Variants in APP observed in about 807,000 individuals in gnomAD.
APP encodes the protein amyloid beta precursor protein.
APP carries 31 observed loss-of-function variants against 101.4 expected under a neutral mutation model. The ratio of observed to expected loss-of-function variants is 0.31; its 90% CI spans 0.23 to 0.41. The LOEUF (loss-of-function observed/expected upper bound fraction) is 0.41, where lower values mean the gene tolerates loss of function less well. Ranked by LOEUF, APP falls within the 10% of genes least tolerant of loss-of-function variation. The pLI is 1.00. For missense variants in APP, 839 were observed against 1,003.7 expected, an observed-to-expected ratio of 0.84 and a Z score of 2.22; for synonymous variants, 366 against 364.4, an observed-to-expected ratio of 1.00 and a Z score of -0.05.
intron 1 of APP, among the ~76,000 whole-genome samples, chr21:26,164,738 C>T (rs2063569951): frequency 6.6e-6 from 1 of 151,884 alleles, no homozygotes; most frequent in Non-Finnish European, 1.5e-5. Flanking sequence ...TGCCCATAGT[C>T]CCAGCTACTC....
intron 11 of APP, among the ~76,000 whole-genome samples, chr21:25,971,983 G>A (rs1276555285): frequency 6.6e-6 from 1 of 152,152 alleles, no homozygotes; most frequent in Non-Finnish European, 1.5e-5. Flanking sequence ...TTCAGCGTCC[G>A]ACATTTAATA....
At chr21:25,884,086 C>T (rs144731854) in intron 17 of APP, among the ~76,000 whole-genome samples, 4 of 152,342 alleles carry the variant, frequency 2.6e-5, no homozygotes, top group African/African-American at 9.6e-5. Flanking sequence ...ACCATGTTGG[C>T]CATGCTGGTC....
intron 13 of APP, among the ~76,000 whole-genome samples, chr21:25,926,162 C>T (rs996392926): frequency 1.3e-5 from 2 of 152,134 alleles, no homozygotes; most frequent in African/African-American, 4.8e-5. Flanking sequence ...CTTCCCTGGA[C>T]CATTTGTTAC....
At chr21:25,912,197 A>G (rs1247266764) in intron 13 of APP, among the ~76,000 whole-genome samples, 2 of 152,208 alleles carry the variant, frequency 1.3e-5, no homozygotes, top group Non-Finnish European at 2.9e-5. Context: ...TGCTGGCAGG[A>G]CTGCAGGCAG....
chr21:26,063,585 T>C (rs985722054), intron 3 of APP, among the ~76,000 whole-genome samples: 2 of 151,908 alleles, frequency 1.3e-5, no homozygotes, highest in Non-Finnish European at 1.5e-5. Flanking sequence ...GGGCTTCTAA[T>C]AGCTAAAGCC....
intron 6 of APP, among the ~76,000 whole-genome samples, chr21:26,014,635 A>G (rs2043972740): frequency 6.6e-6 from 1 of 152,122 alleles, no homozygotes; most frequent in Non-Finnish European, 1.5e-5. Flanking sequence ...AAGCAACCTG[A>G]GCAAGCCACT....
At chr21:26,078,818 C>A (rs1005044549) in intron 3 of APP, among the ~76,000 whole-genome samples, 1 of 152,066 alleles carries the variant, frequency 6.6e-6, no homozygotes, top group Non-Finnish European at 1.5e-5. Context: ...GGCCGAGGCG[C>A]GGATCACCTG....
At position 26,032,805 on chromosome 21, in the gene APP, A is replaced by AAAATATAT. The variant is rs1491556765; in HGVS notation, c.663-10764_663-10763insATATATTT. Among the ~76,000 whole-genome samples, 133 of 124,472 alleles carry AAAATATAT rather than the reference A, an allele frequency of 1.1e-3. 2 individuals are homozygous for AAAATATAT. The East Asian group carries it at 0.025, about 24-fold the overall frequency. 81.7% of individuals were successfully genotyped at this position (124,472 alleles called of 152,430 possible). ...GGCTTATTATTTTAGAAAAAAAAAA[A>AAAATATAT]ATATATATATATATATAAAGAGCTA... On this transcript the variant is annotated intron_variant, in intron 5 of 17. Transcript: ENST00000346798.
chr21:25,956,923 G>A (rs393364), intron 11 of APP, among the ~76,000 whole-genome samples: 13,758 of 152,118 alleles, frequency 0.09, 1,163 homozygotes, highest in African/African-American at 0.21. Context: ...AATTATCTAT[G>A]ATTCTTACTC....
chr21:26,087,777 A>G (rs1401884663), intron 3 of APP, among the ~76,000 whole-genome samples: 1 of 152,218 alleles, frequency 6.6e-6, no homozygotes, highest in African/African-American at 2.4e-5. Flanking sequence ...ACTATCAAAC[A>G]GGTATTTGGT....
At chr21:25,900,173 C>T (rs1194915320) in intron 15 of APP, among the ~76,000 whole-genome samples, 1 of 151,966 alleles carries the variant, frequency 6.6e-6, no homozygotes, top group African/African-American at 2.4e-5. Flanking sequence ...TTCTATAGCC[C>T]TTTTAAATCT....
chr21:26,147,158 T>C (rs442540), intron 1 of APP, among the ~76,000 whole-genome samples: 5,076 of 152,308 alleles, frequency 0.033, 220 homozygotes, highest in East Asian at 0.2. Flanking sequence ...ATGACTTTTA[T>C]AATAATTGTA....
At chr21:26,042,152 A>T (rs771412363) in intron 5 of APP, among the ~76,000 whole-genome samples, 2 of 152,214 alleles carry the variant, frequency 1.3e-5, no homozygotes, top group Non-Finnish European at 2.9e-5. Flanking sequence ...AGCATTTAAT[A>T]TCATTTCTCA....
chr21:26,062,100 C>T (rs893361483), intron 3 of APP, among the ~76,000 whole-genome samples: 11 of 152,036 alleles, frequency 7.2e-5, no homozygotes, highest in Non-Finnish European at 1.3e-4. Context: ...GTCCCAGCTA[C>T]TCGGGAGGCT....
chr21:26,081,406 G>T (rs1252368167), intron 3 of APP, among the ~76,000 whole-genome samples: 1 of 150,148 alleles, frequency 6.7e-6, no homozygotes, highest in Non-Finnish European at 1.5e-5. Flanking sequence ...GGGGGCAGGG[G>T]TGGGGGTCAC....
chr21:26,085,056 C>T (rs1383350134), intron 3 of APP, among the ~76,000 whole-genome samples: 1 of 152,114 alleles, frequency 6.6e-6, no homozygotes, highest in East Asian at 1.9e-4. Flanking sequence ...TAGAAAATTG[C>T]TTAAATAAAA....
chr21:25,989,905 TAA>T (rs200986506), intron 8 of APP, among the ~76,000 whole-genome samples: 1 of 140,288 alleles, frequency 7.1e-6, no homozygotes, highest in Non-Finnish European at 1.5e-5. Flanking sequence ...TATTATAACT[TAA>T]AAAAAAAGTG....
intron 17 of APP, among the ~76,000 whole-genome samples, chr21:25,887,366 G>C (rs1417082816): frequency 6.6e-6 from 1 of 152,070 alleles, no homozygotes; most frequent in Non-Finnish European, 1.5e-5. Context: ...CACATTTGGG[G>C]AGTGGTAATA....
intron 1 of APP, among the ~76,000 whole-genome samples, chr21:26,146,211 C>G (rs2063151504): frequency 6.6e-6 from 1 of 152,188 alleles, no homozygotes; most frequent in Admixed American, 6.5e-5. Context: ...TGGCTCACAC[C>G]TGTAATCCCA....
Sources: gnomAD v4.1 joint callset for allele counts (sites outside exome capture counted in the v4.1 genomes callset) on GRCh38, gnomAD v4.1.1 for gene constraint, MANE v1.5 for transcripts, NCBI Gene and HGNC (gene_info 2026-07-23, HGNC 2026-07-21) for gene names.